Variants in UGCG observed in about 807,000 individuals in gnomAD.
UGCG encodes UDP-glucose ceramide glucosyltransferase, also known as ceramide glucosyltransferase.
UGCG carries 10 observed loss-of-function variants against 49.5 expected under a neutral mutation model. That is an observed-to-expected ratio of 0.20 (90% CI 0.12 to 0.34). UGCG has a LOEUF of 0.34. Ranked by LOEUF, UGCG falls within the 10% of genes least tolerant of loss-of-function variation. UGCG has a pLI of 1.00. For synonymous variants in UGCG, 182 were observed against 158.2 expected, an observed-to-expected ratio of 1.15 and a Z score of -1.13; for missense variants, 312 against 483.7, an observed-to-expected ratio of 0.65 and a Z score of 3.33.
chr9:111,907,099 C>T (rs2131718013), intron 1 of UGCG, among the ~76,000 whole-genome samples: 1 of 152,198 alleles, frequency 6.6e-6, no homozygotes, highest in East Asian at 1.9e-4. Flanking sequence ...TGAAAAGCTC[C>T]CAGGTGTTGC....
In UGCG at chr9:111,926,427, A is replaced by G. The variant is rs754821462; in HGVS notation, c.489A>G (p.Glu163=). 6.2e-7 allele frequency: 1 copy of G among 1,611,278 alleles called. No homozygotes were observed. Among genetic ancestry groups the G allele is most frequent in the Admixed American group, 1.7e-5 (1 of 59,928 alleles). ...TLTDMVNQMT[E]KVGLVHGLPY... is the part of the protein sequence containing the mutation. ...CTGACATGGTGAATCAAATGACAGAAAAAGTAGGCTTGGTTCACGGGCTGC... is the reference window on the plus strand; with the variant it reads ...CTGACATGGTGAATCAAATGACAGAGAAAGTAGGCTTGGTTCACGGGCTGC... Residue 163 remains glutamate, a synonymous_variant, in exon 5 of 9, where the codon GAA becomes GAG. Transcript: ENST00000374279.
chr9:111,906,745 T>C (rs534227049), intron 1 of UGCG, among the ~76,000 whole-genome samples: 2 of 152,222 alleles, frequency 1.3e-5, no homozygotes, highest in Non-Finnish European at 2.9e-5. Context: ...ACTTGTTTCT[T>C]ATGCCTTTCT....
intron 1 of UGCG, among the ~76,000 whole-genome samples, chr9:111,910,332 A>G (rs1340744084): frequency 6.6e-6 from 1 of 152,210 alleles, no homozygotes; most frequent in Non-Finnish European, 1.5e-5. Context: ...ATGTTTTGGT[A>G]GTTTAATAGC....
chr9:111,899,287 A>G (rs1038629019), intron 1 of UGCG, among the ~76,000 whole-genome samples: 1 of 152,222 alleles, frequency 6.6e-6, no homozygotes, highest in African/African-American at 2.4e-5. Context: ...AATGTTATGT[A>G]TATTCACAGT....
intron 3 of UGCG, among the ~76,000 whole-genome samples, chr9:111,924,007 C>T (rs989362566): frequency 9.9e-5 from 15 of 152,190 alleles, no homozygotes; most frequent in East Asian, 5.8e-4. Context: ...ATACTGGTCT[C>T]GAAGTCCTGA....
intron 1 of UGCG, among the ~76,000 whole-genome samples, chr9:111,906,566 A>G (rs1589518612): frequency 6.6e-6 from 1 of 151,752 alleles, no homozygotes; most frequent in South Asian, 2.1e-4. Context: ...ACTAGCTGGG[A>G]TTACAGGTGT....
At position 111,915,889 on chromosome 9, in the gene UGCG, G is replaced by A. The variant is rs567413915; in HGVS notation, c.240+1143G>A. ...GTATTTTTAGTGTTTTTATATTATT[G>A]CTTTGGAGTTTTGGAGTTTAGAAGC... On this transcript the variant is annotated intron_variant, in intron 2 of 8. Transcript: ENST00000374279. The A allele has an allele frequency of 4.1e-4, 389 of 949,588 alleles. 1 individual carries two copies. The highest frequency in any genetic ancestry group is 1.2e-3 in the Admixed American group (19 of 16,224). 58.8% of individuals were successfully genotyped at this position (949,588 alleles called of 1,614,324 possible).
At chr9:111,901,488 A>T (rs921644499) in intron 1 of UGCG, among the ~76,000 whole-genome samples, 4 of 152,176 alleles carry the variant, frequency 2.6e-5, no homozygotes, top group African/African-American at 9.7e-5. Context: ...GCCTGGGAAG[A>T]TACGGAATTA....
chr9:111,899,820 A>C (rs1837735336), intron 1 of UGCG, among the ~76,000 whole-genome samples: 2 of 152,094 alleles, frequency 1.3e-5, no homozygotes, highest in Non-Finnish European at 1.5e-5. Flanking sequence ...GTTTCTTCTA[A>C]ATATTTAGAG....
chr9:111,925,222 A>G (rs1434645859), intron 4 of UGCG, among the ~76,000 whole-genome samples: 1 of 152,192 alleles, frequency 6.6e-6, no homozygotes, highest in East Asian at 1.9e-4. Context: ...GGCTTGCGTA[A>G]TACACCGTCT....
intron 5 of UGCG, 78 bp from the exon 6 acceptor site, chr9:111,929,422 C>A: frequency 6.9e-7 from 1 of 1,441,138 alleles, no homozygotes; most frequent in Non-Finnish European, 9.3e-7. Context: ...ATAAAAAAAC[C>A]ATTGGGAAAA....
intron 1 of UGCG, among the ~76,000 whole-genome samples, chr9:111,904,027 T>A (rs1053405622): frequency 1.1e-4 from 17 of 152,132 alleles, no homozygotes; most frequent in African/African-American, 3.6e-4. Flanking sequence ...GGCATCAGTA[T>A]TTTCAAAACT....
intron 1 of UGCG, among the ~76,000 whole-genome samples, chr9:111,911,950 A>G (rs944310636): frequency 4.7e-5 from 2 of 42,992 alleles, no homozygotes; most frequent in Non-Finnish European, 9.4e-5. Flanking sequence ...ATATATATAT[A>G]TATATATTCA....
chr9:111,926,271 G>A (rs1308515226), intron 4 of UGCG, 113 bp from the exon 5 acceptor site: 1 of 618,938 alleles, frequency 1.6e-6, no homozygotes, highest in Non-Finnish European at 2.7e-6. Context: ...TTAAAATAAT[G>A]TATTTTATTA....
In UGCG at chr9:111,934,132, T is replaced by C. The variant is rs1838473460; in HGVS notation, c.*1135T>C. 2 of 151,662 alleles carry C rather than the reference T, an allele frequency of 1.3e-5. No homozygotes were observed. Among genetic ancestry groups the C allele is most frequent in the Admixed American group, 1.3e-4 (2 of 15,212 alleles). 9.4% of individuals were successfully genotyped at this position (151,662 alleles called of 1,614,324 possible). A position where few individuals can be genotyped will look rare whatever the true frequency, so the allele number is the denominator to read the frequency against. On this transcript the variant is annotated 3_prime_UTR_variant, in exon 9 of 9. Coordinates refer to ENST00000374279, the MANE Select transcript of UGCG (RefSeq NM_003358.3). ...CAAACTAAGTCTACTGTGTGTGTTTTTTTTTTTTGTTTTTTGTTTTTGTTT... is the reference window on the plus strand; with the variant it reads ...CAAACTAAGTCTACTGTGTGTGTTTCTTTTTTTTGTTTTTTGTTTTTGTTT...
At chr9:111,901,959 C>T (rs1837783019) in intron 1 of UGCG, among the ~76,000 whole-genome samples, 1 of 152,222 alleles carries the variant, frequency 6.6e-6, no homozygotes, top group Admixed American at 6.5e-5. Flanking sequence ...CATGAATCCT[C>T]ATTGCCTCCG....
Position 111,932,828 on chromosome 9 carries a change from G to A in UGCG, c.1016G>A (p.Gly339Asp). The change falls in exon 9 of 9, where the codon GGT becomes GAT. Residue 339 changes from glycine to aspartate, a missense_variant and splice_region_variant. Physicochemically the swap from Gly to Asp is moderately conservative, Grantham distance 94. Around this residue, in one of 4 missense-constraint regions of UGCG, gnomAD observed 180 missense variants for 320.4 expected, o/e 0.56. Transcript: ENST00000374279. ...FDYIQLRGVQGGTLCFSKLDY... is the reference protein window; with the variant it reads ...FDYIQLRGVQDGTLCFSKLDY... ...AAAAATTTTTTTTTCCATTCCTAGG[G>A]TGGCACACTGTGTTTTTCAAAACTT... 1 of 1,591,090 alleles carries A rather than the reference G, an allele frequency of 6.3e-7. No individual in the cohort carries two copies.
chr9:111,925,603 G>A (rs896275400), intron 4 of UGCG, among the ~76,000 whole-genome samples: 1 of 152,218 alleles, frequency 6.6e-6, no homozygotes, highest in African/African-American at 2.4e-5. Context: ...ATTGCCCCCA[G>A]TTGAGAAGCA....
intron 1 of UGCG, among the ~76,000 whole-genome samples, chr9:111,908,611 G>A (rs1173958101): frequency 6.6e-6 from 1 of 152,186 alleles, no homozygotes; most frequent in Admixed American, 6.5e-5. Flanking sequence ...CCAACAAAAA[G>A]GTCAAGGCTG....
Sources: gnomAD v4.1 joint callset for allele counts (sites outside exome capture counted in the v4.1 genomes callset) on GRCh38, gnomAD v4.1.1 for gene constraint, gnomAD v4.1.1 regional missense constraint, MANE v1.5 for transcripts, NCBI Gene and HGNC (gene_info 2026-07-23, HGNC 2026-07-21) for gene names.